Variants in FBXW8 observed in about 807,000 individuals in gnomAD.
The protein encoded by FBXW8 is F-box and WD repeat domain containing 8.
Under a neutral mutation model 65.3 loss-of-function variants are expected in FBXW8, and 57 were observed. That is an observed-to-expected ratio of 0.87 (90% confidence interval 0.71 to 1.09). The LOEUF (loss-of-function observed/expected upper bound fraction) is 1.09. Ranked by LOEUF, FBXW8 falls within the 50% of genes least tolerant of loss-of-function variation. The probability of loss-of-function intolerance (pLI) is 0.00; values close to 1 mark genes in which losing one functional copy is unlikely to be tolerated. For missense variants in FBXW8, 777 were observed against 814.8 expected, an observed-to-expected ratio of 0.95 and a Z score of 0.57; for synonymous variants, 308 against 330.2, an observed-to-expected ratio of 0.93 and a Z score of 0.73.
At chr12:116,922,238 C>T (rs957748843) in intron 1 of FBXW8, among the ~76,000 whole-genome samples, 1 of 151,960 alleles carries the variant, frequency 6.6e-6, no homozygotes, top group African/African-American at 2.4e-5. Flanking sequence ...CCTTTTTCCC[C>T]CAGCCAACCA....
intron 7 of FBXW8, among the ~76,000 whole-genome samples, chr12:117,004,233 C>T (rs1953619547): frequency 6.6e-6 from 1 of 152,184 alleles, no homozygotes; most frequent in Non-Finnish European, 1.5e-5. Context: ...TTTTTCAAAT[C>T]TGCTTAATCC....
intron 4 of FBXW8, among the ~76,000 whole-genome samples, chr12:116,956,526 C>T (rs1257666252): frequency 6.6e-6 from 1 of 152,118 alleles, no homozygotes; most frequent in African/African-American, 2.4e-5. Flanking sequence ...AGAGGGTTTG[C>T]AGTTCTTTGT....
chr12:116,929,455 G>A (rs1200177206), intron 2 of FBXW8, among the ~76,000 whole-genome samples: 1 of 150,066 alleles, frequency 6.7e-6, no homozygotes, highest in East Asian at 2.0e-4. Flanking sequence ...GGCTGGTCTT[G>A]AACTCCTGAC....
At chr12:117,015,430 A>C (rs1020256897) in intron 8 of FBXW8, among the ~76,000 whole-genome samples, 8 of 152,206 alleles carry the variant, frequency 5.3e-5, no homozygotes, top group Non-Finnish European at 1.5e-5. Context: ...GAATTAAGTC[A>C]GCACAGTAGT....
intron 4 of FBXW8, among the ~76,000 whole-genome samples, chr12:116,962,799 C>T (rs1293957447): frequency 2.0e-5 from 3 of 152,200 alleles, no homozygotes; most frequent in African/African-American, 4.8e-5. Context: ...TGTTGTGTCT[C>T]TGTAGCTAAG....
intron 1 of FBXW8, among the ~76,000 whole-genome samples, chr12:116,926,963 C>T (rs150668326): frequency 2.8e-4 from 42 of 152,126 alleles, no homozygotes; most frequent in African/African-American, 9.6e-4. Flanking sequence ...TTTGAGACAG[C>T]AGCCTTGCAA....
intron 2 of FBXW8, among the ~76,000 whole-genome samples, chr12:116,930,471 C>T (rs1234225306): frequency 6.6e-6 from 1 of 152,128 alleles, no homozygotes; most frequent in East Asian, 1.9e-4. Context: ...AGGTCCTTTG[C>T]TCATTTTTAA....
chr12:117,000,932 A>G (rs1272409777), intron 7 of FBXW8, among the ~76,000 whole-genome samples: 1 of 152,238 alleles, frequency 6.6e-6, no homozygotes, highest in Non-Finnish European at 1.5e-5. Flanking sequence ...CGCTCCACCT[A>G]GTGCCACCTC....
chr12:116,968,484 G>C (rs1884458618), intron 5 of FBXW8, among the ~76,000 whole-genome samples: 1 of 152,166 alleles, frequency 6.6e-6, no homozygotes, highest in Admixed American at 6.5e-5. Context: ...TACCCCGTTT[G>C]CACACCTGAA....
At chr12:116,964,148 A>G (rs2137389438) in intron 4 of FBXW8, among the ~76,000 whole-genome samples, 1 of 152,348 alleles carries the variant, frequency 6.6e-6, no homozygotes, top group Non-Finnish European at 1.5e-5. Context: ...AGCAGGCAGC[A>G]CTGTCTGGCT....
chr12:116,911,882 G>C (rs1565893351), intron 1 of FBXW8, among the ~76,000 whole-genome samples: 2 of 152,034 alleles, frequency 1.3e-5, no homozygotes, highest in Non-Finnish European at 2.9e-5. Flanking sequence ...AATTATCTCA[G>C]AAAAAAAGGA....
intron 5 of FBXW8, among the ~76,000 whole-genome samples, chr12:116,984,286 G>A (rs1042427550): frequency 3.3e-5 from 5 of 152,194 alleles, no homozygotes; most frequent in African/African-American, 1.2e-4. Flanking sequence ...GTGCCTGACA[G>A]TCTGCATTTC....
intron 5 of FBXW8, among the ~76,000 whole-genome samples, chr12:116,966,580 C>T (rs116373845): frequency 0.015 from 2,297 of 152,224 alleles, 52 homozygotes; most frequent in African/African-American, 0.046. Flanking sequence ...TCTCACATCT[C>T]GTGAGCTTGA....
chr12:116,956,036 A>G (rs980789872), intron 4 of FBXW8, among the ~76,000 whole-genome samples: 1 of 152,222 alleles, frequency 6.6e-6, no homozygotes, highest in Non-Finnish European at 1.5e-5. Context: ...CTTGAGATTC[A>G]TAAGGCTAAA....
intron 5 of FBXW8, among the ~76,000 whole-genome samples, chr12:116,984,479 A>G (rs1211099406): frequency 6.6e-6 from 1 of 152,238 alleles, no homozygotes; most frequent in Non-Finnish European, 1.5e-5. Flanking sequence ...AGAGCTGTGC[A>G]AAATAAAGCA....
chr12:116,939,978 T>C (rs1479366164), intron 2 of FBXW8, among the ~76,000 whole-genome samples: 2 of 152,204 alleles, frequency 1.3e-5, no homozygotes, highest in African/African-American at 4.8e-5. Flanking sequence ...AATAAAACCA[T>C]GGTGTTCTGT....
At position 117,026,286 on chromosome 12, in the gene FBXW8, TCCAGGC is replaced by T. The variant is rs1298891168; in HGVS notation, c.1542-1107_1542-1102del. ...GTCCACCAACACTTTCCTTCAGTCCTCCAGGCTGCAGGCCTCCACCAAGCCTGCCCT... is the reference window on the plus strand; with the variant it reads ...GTCCACCAACACTTTCCTTCAGTCCTTGCAGGCCTCCACCAAGCCTGCCCT... On this transcript the variant is annotated intron_variant, in intron 9 of 10. Coordinates refer to ENST00000652555, the MANE Select transcript of FBXW8 (RefSeq NM_153348.3). Among the ~76,000 whole-genome samples, 141 of 140,764 alleles carry T rather than the reference TCCAGGC, an allele frequency of 1.0e-3. 15 individuals carry two copies. The highest frequency in any genetic ancestry group is 3.4e-3 in the African/African-American group (122 of 35,708). The allele number at this position is 140,764 out of a possible 152,430, so 92.3% of individuals were successfully genotyped here. A position where few individuals can be genotyped will look rare whatever the true frequency, so the allele number is the denominator to read the frequency against.
chr12:116,965,940 T>TTA (rs1465129534), intron 5 of FBXW8, among the ~76,000 whole-genome samples: 1 of 151,360 alleles, frequency 6.6e-6, no homozygotes, highest in East Asian at 1.9e-4. Context: ...TTTTTTTTTT[T>TTA]TTTTAAGAGA....
intron 7 of FBXW8, among the ~76,000 whole-genome samples, chr12:117,001,330 G>A (rs1405062089): frequency 1.3e-5 from 2 of 151,934 alleles, no homozygotes; most frequent in Admixed American, 6.6e-5. Context: ...TTGTTTCAGT[G>A]ATCTGATTTT....
Sources: gnomAD v4.1 joint callset for allele counts (sites outside exome capture counted in the v4.1 genomes callset) on GRCh38, gnomAD v4.1.1 for gene constraint, MANE v1.5 for transcripts, NCBI Gene and HGNC (gene_info 2026-07-23, HGNC 2026-07-21) for gene names.